NEIL3: variants seen among roughly 807,000 people sequenced by gnomAD.
NEIL3 encodes the protein endonuclease 8-like 3.
A neutral mutation model predicts 57.5 loss-of-function variants in NEIL3; 48 were observed. The ratio of observed to expected loss-of-function variants is 0.83; its 90% confidence interval spans 0.66 to 1.06. NEIL3 has a LOEUF of 1.06. Among genes scored for constraint, NEIL3 ranks in the 50% least tolerant of loss-of-function variants. The pLI is 0.00. For missense variants in NEIL3, 717 were observed against 739.1 expected (o/e 0.97, Z 0.35); for synonymous variants, 261 against 253.2 (o/e 1.03, Z -0.29).
At chr4:177,317,183 A>G (rs1734590005) in intron 1 of NEIL3, among the ~76,000 whole-genome samples, 1 of 152,212 alleles carries the variant, frequency 6.6e-6, no homozygotes, top group Admixed American at 6.5e-5. Context: ...GGCGATAAAC[A>G]TCTTTTTTCA....
At chr4:177,348,898 C>T (rs1162968235) in intron 6 of NEIL3, among the ~76,000 whole-genome samples, 4 of 100,486 alleles carry the variant, frequency 4.0e-5, no homozygotes, top group Admixed American at 1.5e-4. Context: ...CACGGAGTCT[C>T]GCTCTGTCAC....
intron 7 of NEIL3, among the ~76,000 whole-genome samples, chr4:177,352,175 A>G (rs1395524979): frequency 2.6e-5 from 4 of 152,188 alleles, no homozygotes; most frequent in African/African-American, 4.8e-5. Context: ...TCTTTCTTCA[A>G]TTAGAGATGA....
At chr4:177,366,134 T>C (rs7667825), downstream of NEIL3, among the ~76,000 whole-genome samples, 57,102 of 152,110 alleles carry the variant, frequency 0.38, 13,351 homozygotes, top group Middle Eastern at 0.54. Context: ...ATTGCAAATA[T>C]CTAAAGGAAT....
chr4:177,349,668 C>A (rs1356519862), intron 6 of NEIL3, among the ~76,000 whole-genome samples: 1 of 152,134 alleles, frequency 6.6e-6, no homozygotes, highest in African/African-American at 2.4e-5. Context: ...ATTATTCATC[C>A]TACTACAAAA....
At chr4:177,333,378 C>A (rs996672494) in intron 2 of NEIL3, among the ~76,000 whole-genome samples, 10 of 152,094 alleles carry the variant, frequency 6.6e-5, no homozygotes, top group African/African-American at 2.4e-4. Context: ...AATTTTCTTA[C>A]TGTTAATTGA....
the NEIL3 span, among the ~76,000 whole-genome samples, chr4:177,368,840 G>A: frequency 6.6e-6 from 1 of 152,062 alleles, no homozygotes; most frequent in Admixed American, 6.6e-5. Context: ...AGATATACAG[G>A]CCAAAATTAA....
At chr4:177,321,402 AT>A (rs1381455789) in intron 1 of NEIL3, among the ~76,000 whole-genome samples, 2 of 152,116 alleles carry the variant, frequency 1.3e-5, no homozygotes, top group Non-Finnish European at 1.5e-5. Flanking sequence ...TAAGTTTTAC[AT>A]TTTTATTACA....
chr4:177,324,978 T>TAGATAGAC (rs1485655976), intron 2 of NEIL3, among the ~76,000 whole-genome samples: 1 of 151,990 alleles, frequency 6.6e-6, no homozygotes, highest in Non-Finnish European at 1.5e-5. Flanking sequence ...GATAGATAGA[T>TAGATAGAC]AGATAGATAA....
At chr4:177,310,159 T>A in intron 1 of NEIL3, 50 bp downstream of exon 1, 1 of 1,474,260 alleles carries the variant, frequency 6.8e-7, no homozygotes, top group Non-Finnish European at 9.0e-7. Flanking sequence ...GGAAATGGAA[T>A]AAAGACCCCA....
chr4:177,343,508 G>A (rs1735141483), intron 6 of NEIL3: 1 of 152,518 alleles, frequency 6.6e-6, no homozygotes, highest in African/African-American at 2.4e-5. Flanking sequence ...GTGCGGTCAT[G>A]TCTGTAGAGC....
intron 9 of NEIL3, 148 bp from the exon 10 acceptor site, chr4:177,362,141 G>A (rs571136883): frequency 4.3e-6 from 2 of 469,090 alleles, no homozygotes; most frequent in African/African-American, 2.0e-5. Context: ...TTTTAAAGGC[G>A]ACGACTAATT....
At chr4:177,361,925 C>A (rs1243932385) in intron 9 of NEIL3, among the ~76,000 whole-genome samples, 1 of 152,114 alleles carries the variant, frequency 6.6e-6, no homozygotes, top group East Asian at 1.9e-4. Context: ...CGCACCTCAC[C>A]TGATCTTACA....
the NEIL3 span, among the ~76,000 whole-genome samples, chr4:177,370,367 A>C: frequency 3.9e-5 from 6 of 152,148 alleles, no homozygotes; most frequent in African/African-American, 1.4e-4. Context: ...AACACTGACT[A>C]TATAGTGTTT....
intron 1 of NEIL3, among the ~76,000 whole-genome samples, chr4:177,320,647 T>G (rs1734665690): frequency 6.6e-6 from 1 of 151,098 alleles, no homozygotes; most frequent in African/African-American, 2.4e-5. Flanking sequence ...CCGGCTAATT[T>G]TTTTTGTATT....
the NEIL3 span, among the ~76,000 whole-genome samples, chr4:177,368,484 A>G: frequency 7.2e-5 from 11 of 152,316 alleles, no homozygotes; most frequent in Non-Finnish European, 1.5e-4. Flanking sequence ...TCTGGAGTAT[A>G]CTATGGTCCG....
At position 177,322,289 on chromosome 4, in the gene NEIL3, CAA is replaced by C. The variant is rs3838631; in HGVS notation, c.157-167_157-166del. 1.4e-3 allele frequency among the ~76,000 whole-genome samples: 212 copies of C among 152,198 alleles called. 5 individuals are homozygous for C. In the East Asian group the frequency reaches 0.034, roughly 24 times the overall value. ...TTTAAATGACTGCATAGTGATTTGA[CAA>C]AATGTATGTAAACAGCCGATTACAT... is the stretch of plus-strand genomic sequence containing the variant. On this transcript the variant is annotated intron_variant, in intron 1 of 9. Coordinates refer to ENST00000264596, the MANE Select transcript of NEIL3 (RefSeq NM_018248.3).
intron 1 of NEIL3, among the ~76,000 whole-genome samples, chr4:177,321,653 A>C (rs1219649929): frequency 6.6e-6 from 1 of 152,182 alleles, no homozygotes; most frequent in Non-Finnish European, 1.5e-5. Flanking sequence ...ATATGTTGTC[A>C]TTCTAACAAT....
intron 2 of NEIL3, among the ~76,000 whole-genome samples, chr4:177,330,104 G>A (rs61320040): frequency 0.041 from 6,291 of 152,150 alleles, 282 homozygotes; most frequent in East Asian, 0.28. Context: ...TGGAGACGGC[G>A]TTTCACCACG....
At chr4:177,347,535 G>A (rs1351528819) in intron 6 of NEIL3, among the ~76,000 whole-genome samples, 1 of 152,210 alleles carries the variant, frequency 6.6e-6, no homozygotes, top group South Asian at 2.1e-4. Flanking sequence ...AGCATGAAGT[G>A]ACTTGGGTTT....
Sources: allele counts gnomAD v4.1 joint callset (sites outside exome capture counted in the v4.1 genomes callset), GRCh38; gene constraint gnomAD v4.1.1; transcripts MANE v1.5; gene names NCBI Gene and HGNC (gene_info 2026-07-23, HGNC 2026-07-21).